LAMP3: variants seen among roughly 807,000 people sequenced by gnomAD.
LAMP3 encodes lysosome associated membrane protein 3.
A neutral mutation model predicts 34.8 loss-of-function variants in LAMP3; 26 were observed. The observed-to-expected ratio is 0.75, with a 90% CI of 0.55 to 1.04. The LOEUF (loss-of-function observed/expected upper bound fraction) is 1.04. LAMP3 is among the 50% of genes least tolerant of loss of function. LAMP3 has a pLI of 0.00. For missense variants in LAMP3, 495 were observed against 524.0 expected (o/e 0.94, Z 0.54); for synonymous variants, 180 against 201.9 (o/e 0.89, Z 0.92).
At position 183,162,706 on chromosome 3, in the gene LAMP3, C is replaced by T. The variant is rs1374534281; in HGVS notation, c.-51G>A. 2 of 1,471,926 alleles carry T rather than the reference C, an allele frequency of 1.4e-6. No homozygotes were observed. Among genetic ancestry groups the T allele is most frequent in the South Asian group, 1.3e-5 (1 of 74,284 alleles). The allele number at this position is 1,471,926 out of a possible 1,614,324, so 91.2% of individuals were successfully genotyped here. On this transcript the variant is annotated 5_prime_UTR_variant, in exon 1 of 6. Transcript: ENST00000265598. ...GCGTGCGGCGAAGTCCGGGCAGGCC[C>T]CGAATCGGTGCCAGAGAAACCTACC...
Position 183,123,988 on chromosome 3 carries a change from G to A in LAMP3, c.*93C>T, listed in dbSNP as rs1719724516. The A allele has an allele frequency of 6.5e-6, 9 of 1,383,218 alleles. No homozygotes were observed. In the South Asian group the frequency reaches 7.3e-5, roughly 11 times the overall value. 85.7% of individuals were successfully genotyped at this position (1,383,218 alleles called of 1,614,324 possible). Reference sequence around the variant, plus strand: ...AGATGGTGGTTTACATTGTTTGAAGGACCCACACTCTGAGGGAATTTCCCA... The same window carrying A: ...AGATGGTGGTTTACATTGTTTGAAGAACCCACACTCTGAGGGAATTTCCCA... On this transcript the variant is annotated 3_prime_UTR_variant, in exon 6 of 6. Transcript: ENST00000265598.
Position 183,140,570 on chromosome 3 carries a change from T to A in LAMP3, c.914A>T (p.Glu305Val). 6.2e-7 allele frequency: 1 copy of A among 1,604,848 alleles called. No homozygotes were observed. The highest frequency in any genetic ancestry group is 8.5e-7 in the Non-Finnish European group (1 of 1,171,668). Residue 305 changes from glutamate (E) to valine (V), a missense_variant, in exon 4 of 6, where the codon GAA becomes GTA. Transcript: ENST00000265598. ...TGAGACGGTCAAATAGGCTCCCACT[T>A]CACTGATATAATATGATTCTTCATC... ...TKDEESYYIS[E>V]VGAYLTVSDP... is the part of the protein sequence containing the mutation.
intron 1 of LAMP3, 43 bp downstream of exon 1, chr3:183,162,564 C>T: frequency 7.8e-6 from 12 of 1,540,592 alleles, no homozygotes; most frequent in South Asian, 2.4e-5. Context: ...GAAAGGGGAC[C>T]GACACGTCAG....
intron 1 of LAMP3, 81 bp downstream of exon 1, chr3:183,162,526 C>A (rs888500890): frequency 2.9e-6 from 4 of 1,393,796 alleles, no homozygotes; most frequent in South Asian, 1.2e-5. Context: ...CGTCCTGTGG[C>A]GCCCGGGACT....
At chr3:183,141,779 C>G (rs1720291359) in intron 3 of LAMP3, among the ~76,000 whole-genome samples, 1 of 152,194 alleles carries the variant, frequency 6.6e-6, no homozygotes, top group East Asian at 1.9e-4. Flanking sequence ...TAGCTTCTTA[C>G]CCCGTGTTAG....
At chr3:183,134,359 A>T (rs1236849835) in intron 5 of LAMP3, among the ~76,000 whole-genome samples, 2 of 152,116 alleles carry the variant, frequency 1.3e-5, no homozygotes, top group African/African-American at 4.8e-5. Context: ...TTTTCTATGC[A>T]TCCCTGTGAA....
rs1282220031 is a variant in LAMP3 at position 183,154,063 on chromosome 3, G to A, written c.378C>T (p.Gly126=). The part of the protein sequence containing the change: ...TAPPVTEVTV[G]PSLAPYSLPP... ...GCAGTGAATAAGGGGCTAAGCTAGG[G>A]CCGACTGTAACTTCAGTAACTGGAG... Residue 126 remains glycine (G), a synonymous_variant, in exon 2 of 6, where the codon GGC becomes GGT. Transcript: ENST00000265598. 6.2e-7 allele frequency: 1 copy of A among 1,614,160 alleles called. No individual in the cohort carries two copies. The highest frequency in any genetic ancestry group is 8.5e-7 in the Non-Finnish European group (1 of 1,180,036).
chr3:183,127,076 T>C (rs1302462643), intron 5 of LAMP3, among the ~76,000 whole-genome samples: 1 of 152,244 alleles, frequency 6.6e-6, no homozygotes, highest in African/African-American at 2.4e-5. Context: ...CATTATCTAT[T>C]GATACTGTTT....
chr3:183,123,792 A>G lies in LAMP3; in HGVS notation c.*289T>C. On this transcript the variant is annotated 3_prime_UTR_variant, in exon 6 of 6. Transcript: ENST00000265598. ...TGAAGGCTTATTCTACTTTACATAT[A>G]TTATGTTAATTCAACATATCTCAAA... 4 of 353,338 alleles carry G rather than the reference A, an allele frequency of 1.1e-5. No individual in the cohort carries two copies. Among genetic ancestry groups the G allele is most frequent in the Non-Finnish European group, 2.1e-5 (4 of 191,062 alleles). The allele number at this position is 353,338 out of a possible 1,614,324, so 21.9% of individuals were successfully genotyped here. A position where few individuals can be genotyped will look rare whatever the true frequency, so the allele number is the denominator to read the frequency against.
intron 1 of LAMP3, chr3:183,160,839 G>GGAGTTTTTGT (rs1340315491): frequency 3.3e-5 from 5 of 152,296 alleles, no homozygotes; most frequent in Non-Finnish European, 7.3e-5. Flanking sequence ...GTAAAACGGA[G>GGAGTTTTTGT]ACAATAGCAG....
chr3:183,124,141 C>A lies in LAMP3; in HGVS notation c.1191G>T (p.Met397Ile), dbSNP rs113287351. 41 of 1,613,370 alleles carry A rather than the reference C, an allele frequency of 2.5e-5. No individual in the cohort carries two copies. The African/African-American group carries it at 3.5e-4, about 14-fold the overall frequency. ...IGAIVVGLCLMGMGVYKIRLR... is the reference protein window; with the variant it reads ...IGAIVVGLCLIGMGVYKIRLR... ...GGCGGATTTTATAGACACCCATACC[C>A]ATAAGGCAGAGACCAACCACGATGG... Residue 397 changes from methionine to isoleucine, a missense_variant, in exon 6 of 6, where the codon ATG becomes ATT. Transcript: ENST00000265598.
chr3:183,129,658 G>C (rs1040007413), intron 5 of LAMP3, among the ~76,000 whole-genome samples: 12 of 151,898 alleles, frequency 7.9e-5, no homozygotes, highest in African/African-American at 2.9e-4. Context: ...TGATTACCTG[G>C]AATTCACATT....
intron 3 of LAMP3, among the ~76,000 whole-genome samples, chr3:183,146,676 C>T (rs375482409): frequency 2.8e-4 from 42 of 151,810 alleles, no homozygotes; most frequent in Non-Finnish European, 4.6e-4. Context: ...TACAGGAATG[C>T]GCCACCACGT....
At chr3:183,140,452 A>T in intron 4 of LAMP3, 86 bp downstream of exon 4, 1 of 626,372 alleles carries the variant, frequency 1.6e-6, no homozygotes, top group South Asian at 1.8e-5. Context: ...AGCATCAAAC[A>T]TGAGAAGATT....
At chr3:183,127,341 C>T (rs1232490218) in intron 5 of LAMP3, among the ~76,000 whole-genome samples, 3 of 152,174 alleles carry the variant, frequency 2.0e-5, no homozygotes, top group African/African-American at 4.8e-5. Flanking sequence ...TACTATGTTG[C>T]TCAGGCTGGT....
At chr3:183,144,072 C>T (rs1720368692) in intron 3 of LAMP3, among the ~76,000 whole-genome samples, 1 of 152,158 alleles carries the variant, frequency 6.6e-6, no homozygotes, top group Non-Finnish European at 1.5e-5. Context: ...TTTCATAGTC[C>T]CAGCTGTTCA....
rs1254181295 is a variant in LAMP3, at chr3:183,123,262, A to T, written c.*819T>A. The T allele has an allele frequency of 6.6e-6, 1 of 151,952 alleles. No homozygotes were observed. Among genetic ancestry groups the T allele is most frequent in the Non-Finnish European group, 1.5e-5 (1 of 67,998 alleles). 9.4% of individuals were successfully genotyped at this position (151,952 alleles called of 1,614,324 possible). A position where few individuals can be genotyped will look rare whatever the true frequency, so the allele number is the denominator to read the frequency against. Reference sequence around the variant, plus strand: ...AGATATGTTGTTCTTTTTGATGATTAAAAAAAACATTTAAGGCCGGGCGCA... The same window carrying T: ...AGATATGTTGTTCTTTTTGATGATTTAAAAAAACATTTAAGGCCGGGCGCA... On this transcript the variant is annotated 3_prime_UTR_variant, in exon 6 of 6. Coordinates refer to ENST00000265598, the MANE Select transcript of LAMP3 (RefSeq NM_014398.4).
chr3:183,129,805 C>T (rs1309368424), intron 5 of LAMP3, among the ~76,000 whole-genome samples: 2 of 152,162 alleles, frequency 1.3e-5, no homozygotes, highest in African/African-American at 4.8e-5. Flanking sequence ...CCCAAATTTA[C>T]ATGGTGAAGC....
rs1720729216 is a variant in LAMP3 at position 183,153,716 on chromosome 3, A to T, written c.725T>A (p.Met242Lys). The part of the protein sequence containing the change: ...NGSRLCIKAE[M>K]GIQLIVQDKE... Reference sequence around the variant, plus strand: ...GTCTTGAACAATCAGCTGTATCCCCATCTCTGCTTTTATACAGAGTCTGCT... The same window carrying T: ...GTCTTGAACAATCAGCTGTATCCCCTTCTCTGCTTTTATACAGAGTCTGCT... Residue 242 changes from methionine (M) to lysine (K), a missense_variant, in exon 2 of 6, where the codon ATG becomes AAG. By Grantham distance (95) the Met-to-Lys change is moderately conservative. Transcript: ENST00000265598. 1 of 1,527,782 alleles carries T rather than the reference A, an allele frequency of 6.5e-7. No homozygotes were observed. Among genetic ancestry groups the T allele is most frequent in the African/African-American group, 1.4e-5 (1 of 72,000 alleles). 94.6% of individuals were successfully genotyped at this position (1,527,782 alleles called of 1,614,324 possible).
Sources: gnomAD v4.1 joint callset for allele counts (sites outside exome capture counted in the v4.1 genomes callset) on GRCh38, gnomAD v4.1.1 for gene constraint, MANE v1.5 for transcripts, NCBI Gene and HGNC (gene_info 2026-07-23, HGNC 2026-07-21) for gene names.